ZZEF1: variants seen among roughly 807,000 people sequenced by gnomAD.
ZZEF1 encodes zinc finger ZZ-type and EF-hand domain-containing protein 1.
Under a neutral mutation model 342.8 loss-of-function variants are expected in ZZEF1, and 157 were observed. The observed-to-expected ratio is 0.46, with a 90% CI of 0.40 to 0.52. The LOEUF is 0.52. Among genes scored for constraint, ZZEF1 ranks in the 20% least tolerant of loss-of-function variants. ZZEF1 has a pLI of 0.00. For synonymous variants in ZZEF1, 1,505 were observed against 1,429.1 expected (o/e 1.05, Z -1.20); for missense variants, 3,480 against 3,725.6 (o/e 0.93, Z 1.72).
intron 54 of ZZEF1, 68 bp from the exon 55 acceptor site, chr17:4,007,038 AC>A: frequency 7.1e-7 from 1 of 1,404,628 alleles, no homozygotes; most frequent in Non-Finnish European, 9.7e-7. Context: ...TGCTGATAAG[AC>A]CCTCAGCTGA....
chr17:4,043,122 A>C (rs1018030336), intron 38 of ZZEF1, among the ~76,000 whole-genome samples: 2 of 152,170 alleles, frequency 1.3e-5, no homozygotes, highest in Non-Finnish European at 2.9e-5. Context: ...CATCTCCCTG[A>C]GCCTGCTCTG....
intron 11 of ZZEF1, among the ~76,000 whole-genome samples, chr17:4,092,465 A>AT (rs1443818693): frequency 1.3e-5 from 2 of 151,736 alleles, no homozygotes; most frequent in Non-Finnish European, 2.9e-5. Context: ...CACCTGGCTA[A>AT]TTTTTTTGTA....
rs1343042218 is a variant in ZZEF1 at position 4,017,286 on chromosome 17, C to T, written c.8001+85G>A. On this transcript the variant is annotated intron_variant, in intron 48 of 54. Transcript: ENST00000381638. This position sits in a 1 kb window ranked among gnomAD's most constrained non-coding sequence, Gnocchi z 5.1. Reference sequence around the variant, plus strand: ...AGCTGCACAGCCACACAGGTAGCCTCGCTCCAGGAAGCACTCACTGGAGGA... The same window carrying T: ...AGCTGCACAGCCACACAGGTAGCCTTGCTCCAGGAAGCACTCACTGGAGGA... The T allele has an allele frequency of 1.1e-5, 17 of 1,512,208 alleles. No homozygotes were observed. Among genetic ancestry groups the T allele is most frequent in the Non-Finnish European group, 1.4e-5 (16 of 1,129,966 alleles). The allele number at this position is 1,512,208 out of a possible 1,614,324, so 93.7% of individuals were successfully genotyped here.
chr17:4,074,471 C>T (rs780840432), intron 23 of ZZEF1, 120 bp from the exon 24 acceptor site: 7 of 1,022,378 alleles, frequency 6.8e-6, no homozygotes, highest in Non-Finnish European at 1.0e-5. Context: ...TCCACATGTC[C>T]AAAATGACTA....
rs1484601959 is a variant in ZZEF1 at position 4,013,558 on chromosome 17, A to G, written c.8470T>C (p.Leu2824=). 12 of 1,614,050 alleles carry G rather than the reference A, an allele frequency of 7.4e-6. No homozygotes were observed. The highest frequency in any genetic ancestry group is 4.0e-5 in the African/African-American group (3 of 74,940). ...SEERVVPHLP[L]AKIWEWLVGV... The stretch of plus-strand genomic sequence containing the variant: ...ACCAGCCATTCCCAAATTTTTGCCA[A>G]TGGGAGATGAGGCACGACCCTTTCT... Residue 2824 remains leucine (L), a synonymous_variant, in exon 52 of 55, where the codon TTG becomes CTG. Coordinates refer to ENST00000381638, the MANE Select transcript of ZZEF1 (RefSeq NM_015113.4).
At chr17:4,032,429 T>C (rs1404665929) in intron 41 of ZZEF1, among the ~76,000 whole-genome samples, 171 bp from the exon 42 acceptor site, 1 of 152,184 alleles carries the variant, frequency 6.6e-6, no homozygotes, top group Non-Finnish European at 1.5e-5. Flanking sequence ...TGGCACAGAA[T>C]TGGTTTAAGT....
In ZZEF1 at chr17:4,016,498, C is replaced by T. The variant is rs763332974; in HGVS notation, c.8002-32G>A. The T allele has an allele frequency of 6.3e-7, 1 of 1,578,370 alleles. No individual in the cohort carries two copies. Among genetic ancestry groups the T allele is most frequent in the East Asian group, 2.2e-5 (1 of 44,600 alleles). The stretch of plus-strand genomic sequence containing the variant: ...GGAAGCAGACAGATAAGGTCAGGGC[C>T]TGCAAGTGGCATCAGGAAGAAGGGA... On this transcript the variant is annotated intron_variant, in intron 48 of 54. Coordinates refer to ENST00000381638, the MANE Select transcript of ZZEF1 (RefSeq NM_015113.4). This position sits in a 1 kb window ranked among gnomAD's most constrained non-coding sequence, Gnocchi z 4.4.
At chr17:4,050,438 C>G (rs923720330) in intron 36 of ZZEF1, among the ~76,000 whole-genome samples, 1 of 152,140 alleles carries the variant, frequency 6.6e-6, no homozygotes, top group Non-Finnish European at 1.5e-5. Flanking sequence ...TGTGTGGAAG[C>G]AGATTTACAC....
intron 43 of ZZEF1, 84 bp from the exon 44 acceptor site, chr17:4,022,912 C>T (rs2056306937): frequency 2.0e-6 from 3 of 1,528,484 alleles, no homozygotes; most frequent in Non-Finnish European, 2.7e-6. Flanking sequence ...TGTTCATTCA[C>T]TCTTTCATTC....
At chr17:4,098,969 G>T (rs1567840317) in intron 9 of ZZEF1, among the ~76,000 whole-genome samples, 1 of 152,158 alleles carries the variant, frequency 6.6e-6, no homozygotes, top group South Asian at 2.1e-4. Context: ...CTATGTAAAA[G>T]AAATCTATGT....
chr17:4,121,888 A>C (rs188636109), intron 2 of ZZEF1, among the ~76,000 whole-genome samples: 18 of 151,972 alleles, frequency 1.2e-4, no homozygotes, highest in Non-Finnish European at 2.6e-4. Context: ...ATGACCTGCT[A>C]ATTTTTTTCG....
chr17:4,115,316 C>T (rs987769731), intron 3 of ZZEF1, among the ~76,000 whole-genome samples: 6 of 152,146 alleles, frequency 3.9e-5, no homozygotes, highest in Non-Finnish European at 7.4e-5. Flanking sequence ...CATCAACCAC[C>T]GTGCCTGGCC....
At chr17:4,037,709 A>C (rs1371676687) in intron 39 of ZZEF1, among the ~76,000 whole-genome samples, 1 of 152,062 alleles carries the variant, frequency 6.6e-6, no homozygotes, top group African/African-American at 2.4e-5. Flanking sequence ...TCAGCCTCCC[A>C]AGTAGCTGAG....
chr17:4,093,293 T>G (rs992702357), intron 11 of ZZEF1, among the ~76,000 whole-genome samples: 1 of 152,198 alleles, frequency 6.6e-6, no homozygotes, highest in Non-Finnish European at 1.5e-5. Context: ...TAAAAAGGCA[T>G]ACACGTGTAA....
intron 42 of ZZEF1, among the ~76,000 whole-genome samples, chr17:4,027,960 T>C (rs1368858932): frequency 6.6e-6 from 1 of 152,130 alleles, no homozygotes; most frequent in East Asian, 1.9e-4. Flanking sequence ...CTGGGTTATT[T>C]TGTTTTTCTT....
At chr17:4,060,086 C>T (rs2057251885) in intron 30 of ZZEF1, among the ~76,000 whole-genome samples, 1 of 152,252 alleles carries the variant, frequency 6.6e-6, no homozygotes, top group African/African-American at 2.4e-5. Flanking sequence ...CGTGTCCCTT[C>T]CTTCCTCCAT....
At chr17:4,083,227 A>G (rs150798961) in intron 16 of ZZEF1, among the ~76,000 whole-genome samples, 15 of 152,370 alleles carry the variant, frequency 9.8e-5, no homozygotes, top group Non-Finnish European at 1.8e-4. Context: ...ACTTCTCAGC[A>G]TGAGAAGACA....
intron 5 of ZZEF1, 86 bp downstream of exon 5, chr17:4,112,523 T>C: frequency 7.5e-7 from 1 of 1,334,146 alleles, no homozygotes; most frequent in Non-Finnish European, 1.1e-6. Context: ...GCAAACCGAA[T>C]CTCAAAAACT....
At chr17:4,074,963 TA>T in intron 23 of ZZEF1, 133 bp downstream of exon 23, 1 of 954,664 alleles carries the variant, frequency 1.0e-6, no homozygotes, top group Non-Finnish European at 1.6e-6. Context: ...AACTCTGATA[TA>T]AATCCTTCCT....
Sources: gnomAD v4.1 joint callset for allele counts (sites outside exome capture counted in the v4.1 genomes callset) on GRCh38, gnomAD v4.1.1 for gene constraint, Gnocchi (gnomAD v3.1) non-coding constraint, MANE v1.5 for transcripts, NCBI Gene and HGNC (gene_info 2026-07-23, HGNC 2026-07-21) for gene names.